The following COP1 variants were observed in gnomAD, a reference collection of about 807,000 sequenced individuals.
COP1 encodes E3 ubiquitin-protein ligase COP1.
Under a neutral mutation model 101.3 loss-of-function variants are expected in COP1, and 24 were observed. That is an observed-to-expected ratio of 0.24 (90% CI 0.17 to 0.33). The LOEUF is 0.33. COP1 is among the 10% of genes least tolerant of loss of function. The pLI, the probability that COP1 is intolerant of heterozygous loss-of-function variation, is 1.00. For missense variants in COP1, 663 were observed against 906.2 expected (o/e 0.73, Z 3.45); for synonymous variants, 347 against 341.9 (o/e 1.01, Z -0.17).
At chr1:176,007,736 G>T (rs1410417136) in intron 15 of COP1, among the ~76,000 whole-genome samples, 1 of 152,136 alleles carries the variant, frequency 6.6e-6, no homozygotes, top group African/African-American at 2.4e-5. Context: ...GAGAACCACT[G>T]CTCTCTTCAA....
chr1:176,016,921 CATCTT>C (rs919352785), intron 15 of COP1, among the ~76,000 whole-genome samples: 3 of 152,118 alleles, frequency 2.0e-5, no homozygotes, highest in Non-Finnish European at 4.4e-5. Flanking sequence ...CAATTCCTAA[CATCTT>C]AAGTGTTGAA....
Position 176,207,171 on chromosome 1 carries a change from G to A in COP1, c.-193C>T. On this transcript the variant is annotated 5_prime_UTR_variant, in exon 1 of 20. Transcript: ENST00000367669. ...CAGCGTCCCACGGGAGGGGGCGGAG[G>A]AAACTAAAAAAGCGGAGTAGAAGGC... 1 of 437,722 alleles carries A rather than the reference G, an allele frequency of 2.3e-6. No individual in the cohort carries two copies. The highest frequency in any genetic ancestry group is 3.9e-6 in the Non-Finnish European group (1 of 255,888). 27.1% of individuals were successfully genotyped at this position (437,722 alleles called of 1,614,324 possible).
intron 5 of COP1, among the ~76,000 whole-genome samples, chr1:176,161,387 G>A (rs1694300846): frequency 6.6e-6 from 1 of 152,058 alleles, no homozygotes; most frequent in African/African-American, 2.4e-5. Flanking sequence ...CCAAGAGTTT[G>A]AGACTACTGT....
At position 176,085,756 on chromosome 1, in the gene COP1, G is replaced by C. The variant is rs760335459; in HGVS notation, c.1141+20C>G. 1 of 1,338,922 alleles carries C rather than the reference G, an allele frequency of 7.5e-7. No homozygotes were observed. Among genetic ancestry groups the C allele is most frequent in the African/African-American group, 1.4e-5 (1 of 69,396 alleles). 82.9% of individuals were successfully genotyped at this position (1,338,922 alleles called of 1,614,324 possible). A position where few individuals can be genotyped will look rare whatever the true frequency, so the allele number is the denominator to read the frequency against. ...CTGAAATGTAGATTTCAGATAATTT[G>C]AGAAGGTCTAAATATATACCTGAGA... On this transcript the variant is annotated intron_variant, in intron 10 of 19. Coordinates refer to ENST00000367669, the MANE Select transcript of COP1 (RefSeq NM_022457.7).
At chr1:176,145,895 G>A (rs533144983) in intron 6 of COP1, among the ~76,000 whole-genome samples, 1 of 152,136 alleles carries the variant, frequency 6.6e-6, no homozygotes, top group African/African-American at 2.4e-5. Flanking sequence ...AATCCAAAAA[G>A]GGTGGTCAGG....
intron 11 of COP1, among the ~76,000 whole-genome samples, chr1:176,060,217 G>A (rs1175127724): frequency 6.6e-6 from 1 of 152,032 alleles, no homozygotes; most frequent in African/African-American, 2.4e-5. Context: ...TCATTGAATA[G>A]CTAAAACAAA....
intron 1 of COP1, among the ~76,000 whole-genome samples, chr1:176,194,923 T>TAAA (rs35351772): frequency 6.9e-6 from 1 of 143,886 alleles, no homozygotes; most frequent in Non-Finnish European, 1.5e-5. Flanking sequence ...AAAATAAAAT[T>TAAA]AAAAAAAAAA....
At chr1:176,005,391 T>C (rs1382850156) in intron 15 of COP1, among the ~76,000 whole-genome samples, 1 of 152,194 alleles carries the variant, frequency 6.6e-6, no homozygotes, top group Non-Finnish European at 1.5e-5. Context: ...TGCCTTCTGC[T>C]AGCTTTTGAA....
chr1:176,018,034 T>C (rs1444908208), intron 15 of COP1, among the ~76,000 whole-genome samples: 1 of 152,256 alleles, frequency 6.6e-6, no homozygotes, highest in Non-Finnish European at 1.5e-5. Flanking sequence ...GTCAGATCTT[T>C]GTTCATGATT....
intron 8 of COP1, among the ~76,000 whole-genome samples, chr1:176,130,203 T>C (rs1688666049): frequency 6.6e-6 from 1 of 151,724 alleles, no homozygotes; most frequent in South Asian, 2.1e-4. Context: ...CTTTATTATT[T>C]AAATAAAGTC....
At position 176,034,834 on chromosome 1, in the gene COP1, A is replaced by G. The variant is rs534261496; in HGVS notation, c.1613-7146T>C. Reference sequence around the variant, plus strand: ...GGCAGACTCAAAGTACCACAGCAAAAGCTCTGAGAAATGAACTGATTGTTT... The same window carrying G: ...GGCAGACTCAAAGTACCACAGCAAAGGCTCTGAGAAATGAACTGATTGTTT... On this transcript the variant is annotated intron_variant, in intron 14 of 19. Transcript: ENST00000367669. Among the ~76,000 whole-genome samples, 8 of 152,314 alleles carry G rather than the reference A, an allele frequency of 5.3e-5. No homozygotes were observed. The South Asian group carries it at 1.7e-3, about 32-fold the overall frequency.
intron 1 of COP1, chr1:176,206,256 CTT>C: frequency 5.8e-6 from 2 of 347,556 alleles, no homozygotes; most frequent in Non-Finnish European, 1.1e-5. Flanking sequence ...TCTCTGCCAA[CTT>C]TGTTATCCAA....
At position 176,025,848 on chromosome 1, in the gene COP1, C is replaced by T. The variant is rs1667575277; in HGVS notation, c.1729+1724G>A. Among the ~76,000 whole-genome samples, 2 of 151,922 alleles carry T rather than the reference C, an allele frequency of 1.3e-5. 1 individual carries two copies. Among genetic ancestry groups the T allele is most frequent in the South Asian group, 4.2e-4 (2 of 4,818 alleles). On this transcript the variant is annotated intron_variant, in intron 15 of 19. Coordinates refer to ENST00000367669, the MANE Select transcript of COP1 (RefSeq NM_022457.7). ...CAGGCTGCAGTGAGCTGTGATCGTG[C>T]CACTGTACTCAACCTGGGTGACCCT...
intron 6 of COP1, among the ~76,000 whole-genome samples, chr1:176,143,130 GAGAGAGAGCGAGAGAA>G (rs1690983323): frequency 1.4e-5 from 2 of 147,712 alleles, no homozygotes; most frequent in African/African-American, 5.2e-5. Context: ...AAGCGAGAGA[GAGAGAGAGCGAGAGAA>G]AGAGAGAGAG....
Position 175,961,035 on chromosome 1 carries a change from C to A in COP1, c.2134-13796G>T, listed in dbSNP as rs187798385. ...TGCTTCCTCTCTCCTGGAGCTGGGACACTCTTCTCCTGGCCTTGGCCATCA... is the reference window on the plus strand; with the variant it reads ...TGCTTCCTCTCTCCTGGAGCTGGGAAACTCTTCTCCTGGCCTTGGCCATCA... On this transcript the variant is annotated intron_variant, in intron 18 of 19. Transcript: ENST00000367669. 9.2e-4 allele frequency among the ~76,000 whole-genome samples: 140 copies of A among 152,312 alleles called. 2 individuals are homozygous for A. Among genetic ancestry groups the A allele is most frequent in the Non-Finnish European group, 2.9e-5 (2 of 68,032 alleles).
chr1:176,183,617 A>C (rs1292600148), intron 2 of COP1, among the ~76,000 whole-genome samples: 2 of 152,202 alleles, frequency 1.3e-5, no homozygotes, highest in Non-Finnish European at 1.5e-5. Context: ...CACCCAAAAG[A>C]CTTGAAAGCA....
At chr1:176,151,952 A>AT (rs34038117) in intron 5 of COP1, among the ~76,000 whole-genome samples, 3,036 of 140,204 alleles carry the variant, frequency 0.022, 47 homozygotes, top group South Asian at 0.033. Context: ...TTTTGAGGGC[A>AT]TTTTTTTTTT....
At chr1:176,012,814 T>C (rs944257111) in intron 15 of COP1, among the ~76,000 whole-genome samples, 2 of 152,234 alleles carry the variant, frequency 1.3e-5, no homozygotes, top group African/African-American at 2.4e-5. Context: ...TATTAGGCTA[T>C]ACTATATAGC....
At chr1:176,126,967 T>C (rs1688089014) in intron 8 of COP1, among the ~76,000 whole-genome samples, 1 of 152,208 alleles carries the variant, frequency 6.6e-6, no homozygotes. Context: ...TTAAAGAGAA[T>C]AATCAATTCA....
Sources: allele counts gnomAD v4.1 joint callset (sites outside exome capture counted in the v4.1 genomes callset), GRCh38; gene constraint gnomAD v4.1.1; transcripts MANE v1.5; gene names NCBI Gene and HGNC (gene_info 2026-07-23, HGNC 2026-07-21).